Variants in SNTB2 observed in about 807,000 individuals in gnomAD.
SNTB2 encodes the protein beta-2-syntrophin.
Under a neutral mutation model 46.2 loss-of-function variants are expected in SNTB2, and 34 were observed. The ratio of observed to expected loss-of-function variants is 0.74; its 90% CI spans 0.56 to 0.98. SNTB2 has a LOEUF of 0.98. Among genes scored for constraint, SNTB2 ranks in the 50% least tolerant of loss-of-function variants. SNTB2 has a pLI of 0.00. For missense variants in SNTB2, 603 were observed against 731.4 expected, an observed-to-expected ratio of 0.82 and a Z score of 2.02; for synonymous variants, 290 against 312.6, an observed-to-expected ratio of 0.93 and a Z score of 0.76.
chr16:69,215,291 G>A, intron 1 of SNTB2, among the ~76,000 whole-genome samples: 1 of 152,136 alleles, frequency 6.6e-6, no homozygotes, highest in East Asian at 1.9e-4. Flanking sequence ...AGGCTGAGGT[G>A]GGAGGATCCC....
At chr16:69,238,954 C>T (rs1328634140) in intron 1 of SNTB2, among the ~76,000 whole-genome samples, 2 of 152,146 alleles carry the variant, frequency 1.3e-5, no homozygotes, top group Non-Finnish European at 2.9e-5. Flanking sequence ...AAGTCCTTGC[C>T]ATGACCTAAA....
rs1964209378 is a variant in SNTB2 at position 69,205,655 on chromosome 16, T to G, written c.580+17909T>G. Among the ~76,000 whole-genome samples the G allele has an allele frequency of 2.6e-5, 4 of 152,192 alleles. No individual in the cohort carries two copies. In the South Asian group the frequency reaches 8.3e-4, roughly 31 times the overall value. On this transcript the variant is annotated intron_variant, in intron 1 of 6. Transcript: ENST00000336278. ...GTGGGCATGACATAATGGCTTTTTC[T>G]TCTATTTTCTTTCCCATTTTCTCTT...
chr16:69,192,442 T>A (rs534271364), intron 1 of SNTB2, among the ~76,000 whole-genome samples: 65 of 152,352 alleles, frequency 4.3e-4, no homozygotes, highest in Admixed American at 9.1e-4. Context: ...GTTACCCTCA[T>A]ACTGTTCAGC....
intron 4 of SNTB2, among the ~76,000 whole-genome samples, chr16:69,280,651 C>T (rs1597198486): frequency 6.6e-6 from 1 of 152,204 alleles, no homozygotes; most frequent in Admixed American, 6.5e-5. Context: ...CCTCACTTCC[C>T]AGTAGGGGCG....
chr16:69,230,549 G>C (rs967904255), intron 1 of SNTB2: 2 of 151,802 alleles, frequency 1.3e-5, no homozygotes. Context: ...TTTTAGTAGA[G>C]ATGGGGTTTC....
intron 1 of SNTB2, among the ~76,000 whole-genome samples, chr16:69,239,505 C>T (rs1964589722): frequency 6.6e-6 from 1 of 152,094 alleles, no homozygotes; most frequent in Admixed American, 6.6e-5. Context: ...TCCCTTCTCA[C>T]CCCTAACCCT....
chr16:69,242,286 T>A (rs575739759), intron 1 of SNTB2, among the ~76,000 whole-genome samples: 4 of 151,972 alleles, frequency 2.6e-5, no homozygotes, highest in Non-Finnish European at 5.9e-5. Context: ...GTTAGCCAGA[T>A]GTGTCGGTGT....
At chr16:69,233,826 A>G (rs977246195) in intron 1 of SNTB2, among the ~76,000 whole-genome samples, 3 of 152,004 alleles carry the variant, frequency 2.0e-5, no homozygotes, top group African/African-American at 7.2e-5. Context: ...AAACAAAAAA[A>G]ACTAGCCAGG....
At chr16:69,206,880 C>A (rs1964225973) in intron 1 of SNTB2, among the ~76,000 whole-genome samples, 1 of 151,016 alleles carries the variant, frequency 6.6e-6, no homozygotes, top group Non-Finnish European at 1.5e-5. Context: ...ATTCTCCTGC[C>A]TCAGCATCCC....
chr16:69,264,478 G>T (rs570460898), intron 3 of SNTB2, among the ~76,000 whole-genome samples: 184 of 152,124 alleles, frequency 1.2e-3, no homozygotes, highest in African/African-American at 4.1e-3. Context: ...TTTTATTTTT[G>T]GATAAAATAC....
chr16:69,196,594 C>T lies in SNTB2; in HGVS notation c.580+8848C>T, dbSNP rs146156764. ...TTCACCATATTGGTCAGGCTGGTCT[C>T]GAACTCCTGACCTTGTGATCTGCCC... On this transcript the variant is annotated intron_variant, in intron 1 of 6. Transcript: ENST00000336278. Among the ~76,000 whole-genome samples the T allele has an allele frequency of 1.1e-3, 168 of 152,122 alleles. 2 individuals are homozygous for T. Among genetic ancestry groups the T allele is most frequent in the African/African-American group, 3.7e-3 (152 of 41,502 alleles).
rs193299102 is a variant in SNTB2, at chr16:69,188,038, A to C, written c.580+292A>C. On this transcript the variant is annotated intron_variant, in intron 1 of 6. Coordinates refer to ENST00000336278, the MANE Select transcript of SNTB2 (RefSeq NM_006750.4). ...TAAGCTGACACTAAGAACTTGAGGG[A>C]GAGCGAACGGCTCGAGTGGGTCTGT... Among the ~76,000 whole-genome samples the C allele has an allele frequency of 2.0e-5, 3 of 152,014 alleles. No individual in the cohort carries two copies. The East Asian group carries it at 5.8e-4, about 29-fold the overall frequency.
Position 69,187,467 on chromosome 16 carries a change from C to T in SNTB2, c.301C>T (p.Arg101Trp), listed in dbSNP as rs1964001775. 2.5e-6 allele frequency: 3 copies of T among 1,197,778 alleles called. No homozygotes were observed. Among genetic ancestry groups the T allele is most frequent in the Non-Finnish European group, 3.1e-6 (3 of 962,670 alleles). 74.2% of individuals were successfully genotyped at this position (1,197,778 alleles called of 1,614,324 possible). Residue 101 changes from arginine to tryptophan, a missense_variant, in exon 1 of 7, where the codon CGG (arginine) becomes TGG (tryptophan). Physicochemically the swap from Arg to Trp is moderately radical, Grantham distance 101 (BLOSUM62 -3). This residue lies in a region of SNTB2 where 537 missense variants were observed against 692.4 expected (regional missense o/e 0.78). Coordinates refer to ENST00000336278, the MANE Select transcript of SNTB2 (RefSeq NM_006750.4). ...LGPPSPPAPP[R>W]GPAGEAGASP... ...GCCCCCGAGCCCGCCGGCGCCGCCT[C>T]GGGGCCCCGCGGGTGAGGCGGGCGC... is the stretch of plus-strand genomic sequence containing the variant.
At chr16:69,234,618 T>A (rs1051857438) in intron 1 of SNTB2, among the ~76,000 whole-genome samples, 3 of 152,062 alleles carry the variant, frequency 2.0e-5, no homozygotes, top group African/African-American at 7.2e-5. Context: ...TTAGCTTTAA[T>A]GGCTGTTCTC....
chr16:69,204,025 T>C (rs1475751001), intron 1 of SNTB2, among the ~76,000 whole-genome samples: 2 of 152,164 alleles, frequency 1.3e-5, no homozygotes, highest in Non-Finnish European at 2.9e-5. Flanking sequence ...CCCAAGGAGC[T>C]GGAATTACAG....
intron 3 of SNTB2, among the ~76,000 whole-genome samples, chr16:69,262,369 G>A (rs890404239): frequency 3.3e-5 from 5 of 151,560 alleles, no homozygotes; most frequent in Admixed American, 6.6e-5. Context: ...GCGGTGGCGC[G>A]ATCTTGGCTC....
intron 1 of SNTB2, among the ~76,000 whole-genome samples, chr16:69,206,919 C>G (rs1223788145): frequency 6.6e-6 from 1 of 150,932 alleles, no homozygotes; most frequent in African/African-American, 2.4e-5. Context: ...GCGCCTGCCA[C>G]CATGCCCAAC....
At chr16:69,281,152 A>C (rs940998666) in intron 4 of SNTB2, among the ~76,000 whole-genome samples, 2 of 151,750 alleles carry the variant, frequency 1.3e-5, no homozygotes, top group African/African-American at 2.4e-5. Flanking sequence ...ATGAAGTCCA[A>C]CTTACCAATT....
Position 69,301,010 on chromosome 16 carries a change from C to T in SNTB2, c.*86C>T, listed in dbSNP as rs1280345504. 2.4e-6 allele frequency: 2 copies of T among 849,656 alleles called. No homozygotes were observed. The highest frequency in any genetic ancestry group is 3.8e-6 in the Non-Finnish European group (2 of 523,096). 52.6% of individuals were successfully genotyped at this position (849,656 alleles called of 1,614,324 possible). ...AAAAAGCACAAAAAGAAACTCTTTGCTCTCCTTCAGCACAGTGCCTTCCCA... is the reference window on the plus strand; with the variant it reads ...AAAAAGCACAAAAAGAAACTCTTTGTTCTCCTTCAGCACAGTGCCTTCCCA... On this transcript the variant is annotated 3_prime_UTR_variant, in exon 7 of 7. Transcript: ENST00000336278.
Sources: gnomAD v4.1 joint callset for allele counts (sites outside exome capture counted in the v4.1 genomes callset) on GRCh38, gnomAD v4.1.1 for gene constraint, gnomAD v4.1.1 regional missense constraint, MANE v1.5 for transcripts, NCBI Gene and HGNC (gene_info 2026-07-23, HGNC 2026-07-21) for gene names.